NKAIN2: variants seen among roughly 807,000 people sequenced by gnomAD.
NKAIN2 encodes sodium/potassium-transporting ATPase subunit beta-1-interacting protein 2.
In NKAIN2, 14 loss-of-function variants were observed where a neutral mutation model predicts 32.6. That is an observed-to-expected ratio of 0.43 (90% confidence interval 0.28 to 0.67). The LOEUF (loss-of-function observed/expected upper bound fraction) is 0.67. Ranked by LOEUF, NKAIN2 falls within the 30% of genes least tolerant of loss-of-function variation. The pLI, the probability that NKAIN2 is intolerant of heterozygous loss-of-function variation, is 0.17. For missense variants in NKAIN2, 198 were observed against 258.3 expected, an observed-to-expected ratio of 0.77 and a Z score of 1.60; for synonymous variants, 80 against 87.2, an observed-to-expected ratio of 0.92 and a Z score of 0.46.
At chr6:124,030,546 A>ATTGGTAAAAATGACAACACTATG (rs1781362239) in intron 1 of NKAIN2, among the ~76,000 whole-genome samples, 1 of 152,186 alleles carries the variant, frequency 6.6e-6, no homozygotes. Context: ...GATGTTATAT[A>ATTGGTAAAAATGACAACACTATG]TTGGATTTCC....
chr6:124,060,359 A>G (rs759720256), intron 1 of NKAIN2, among the ~76,000 whole-genome samples: 2 of 152,190 alleles, frequency 1.3e-5, no homozygotes, highest in Non-Finnish European at 2.9e-5. Flanking sequence ...AATTGATTGC[A>G]GAGCCTGAGA....
chr6:124,167,328 T>G (rs1424469565), intron 1 of NKAIN2, among the ~76,000 whole-genome samples: 4 of 151,060 alleles, frequency 2.6e-5, no homozygotes. Context: ...TTGTCTGTTA[T>G]TGGTGTATAA....
intron 3 of NKAIN2, among the ~76,000 whole-genome samples, chr6:124,581,274 C>A (rs1781509857): frequency 6.6e-6 from 1 of 151,448 alleles, no homozygotes; most frequent in Non-Finnish European, 1.5e-5. Flanking sequence ...CCCGTCTCTA[C>A]TAAAAATACA....
intron 2 of NKAIN2, among the ~76,000 whole-genome samples, chr6:124,292,271 T>C (rs1392026171): frequency 6.6e-6 from 1 of 152,120 alleles, no homozygotes; most frequent in Admixed American, 6.6e-5. Context: ...CAGCATTTTT[T>C]TGTCTCTTTC....
At chr6:124,459,270 G>T (rs929735905) in intron 3 of NKAIN2, among the ~76,000 whole-genome samples, 2 of 151,750 alleles carry the variant, frequency 1.3e-5, no homozygotes, top group Non-Finnish European at 2.9e-5. Flanking sequence ...AACAAAGTCC[G>T]CAAAATAAGC....
intron 1 of NKAIN2, among the ~76,000 whole-genome samples, chr6:123,914,505 C>T (rs187819879): frequency 2.4e-4 from 36 of 152,202 alleles, no homozygotes; most frequent in African/African-American, 7.9e-4. Context: ...GGCCCCATTT[C>T]AAATACAGCC....
At chr6:123,971,547 T>A (rs1778341377) in intron 1 of NKAIN2, among the ~76,000 whole-genome samples, 2 of 152,230 alleles carry the variant, frequency 1.3e-5, no homozygotes, top group East Asian at 1.9e-4. Context: ...TCAGTTTGGA[T>A]GGTTTGATTC....
intron 1 of NKAIN2, among the ~76,000 whole-genome samples, chr6:124,274,262 A>G (rs1227303753): frequency 1.3e-5 from 2 of 152,188 alleles, no homozygotes; most frequent in African/African-American, 4.8e-5. Flanking sequence ...TGTGAATTGC[A>G]TAATTTGTAG....
chr6:124,177,626 T>C (rs529869170), intron 1 of NKAIN2, among the ~76,000 whole-genome samples: 1 of 151,676 alleles, frequency 6.6e-6, no homozygotes. Context: ...TGGTTGAAAG[T>C]TTTTTTTTCC....
At chr6:124,536,615 C>A (rs536706351) in intron 3 of NKAIN2, among the ~76,000 whole-genome samples, 1 of 152,186 alleles carries the variant, frequency 6.6e-6, no homozygotes, top group African/African-American at 2.4e-5. Flanking sequence ...AGCTAGCTAA[C>A]CCAAAAGGAG....
intron 5 of NKAIN2, among the ~76,000 whole-genome samples, chr6:124,807,715 A>C (rs1044250916): frequency 6.6e-6 from 1 of 151,768 alleles, no homozygotes; most frequent in Non-Finnish European, 1.5e-5. Context: ...GTTTTTTGAA[A>C]GGATCAACAA....
intron 3 of NKAIN2, among the ~76,000 whole-genome samples, chr6:124,494,445 C>T (rs954501517): frequency 6.6e-6 from 1 of 152,060 alleles, no homozygotes; most frequent in African/African-American, 2.4e-5. Flanking sequence ...TCTTACACTG[C>T]ATCTTAAAAT....
At chr6:124,198,812 T>C (rs1790455961) in intron 1 of NKAIN2, among the ~76,000 whole-genome samples, 1 of 152,208 alleles carries the variant, frequency 6.6e-6, no homozygotes, top group Admixed American at 6.5e-5. Context: ...GTCCTGTATC[T>C]CCTTGTAGGG....
chr6:124,356,025 G>A (rs988692879), intron 3 of NKAIN2, among the ~76,000 whole-genome samples: 2 of 152,094 alleles, frequency 1.3e-5, no homozygotes, highest in African/African-American at 4.8e-5. Flanking sequence ...TCCATTCAAG[G>A]TAGTAGCAAA....
intron 1 of NKAIN2, among the ~76,000 whole-genome samples, chr6:124,080,293 G>C (rs1285091520): frequency 2.0e-5 from 3 of 152,188 alleles, no homozygotes; most frequent in South Asian, 2.1e-4. Context: ...TAGACAAAAG[G>C]CTGTCTTGTT....
At chr6:124,435,354 A>T (rs144099058) in intron 3 of NKAIN2, among the ~76,000 whole-genome samples, 5 of 152,264 alleles carry the variant, frequency 3.3e-5, no homozygotes, top group Admixed American at 6.5e-5. Context: ...TACACTCATA[A>T]GTTTCCATAA....
At chr6:124,777,960 CACACACACACACACAA>C (rs1046461134) in intron 4 of NKAIN2, among the ~76,000 whole-genome samples, 58 of 151,642 alleles carry the variant, frequency 3.8e-4, no homozygotes, top group Non-Finnish European at 7.4e-4. Context: ...CACACACACA[CACACACACACACACAA>C]ACACACACAC....
chr6:124,453,882 A>G (rs943283222), intron 3 of NKAIN2, among the ~76,000 whole-genome samples: 5 of 152,110 alleles, frequency 3.3e-5, no homozygotes, highest in Non-Finnish European at 5.9e-5. Flanking sequence ...CTTCAGGCTT[A>G]CCTAAGAAAA....
intron 3 of NKAIN2, among the ~76,000 whole-genome samples, chr6:124,439,220 A>G (rs1353049277): frequency 6.6e-6 from 1 of 152,130 alleles, no homozygotes; most frequent in African/African-American, 2.4e-5. Flanking sequence ...TTTCTAGCTC[A>G]TGAATGATAC....
Sources: gnomAD v4.1 joint callset for allele counts (sites outside exome capture counted in the v4.1 genomes callset) on GRCh38, gnomAD v4.1.1 for gene constraint, MANE v1.5 for transcripts, NCBI Gene and HGNC (gene_info 2026-07-23, HGNC 2026-07-21) for gene names.